The following ROBO2 variants were observed in gnomAD, a reference collection of about 807,000 sequenced individuals.
The protein encoded by ROBO2 is roundabout homolog 2.
A neutral mutation model predicts 160.8 loss-of-function variants in ROBO2; 53 were observed. The observed-to-expected ratio is 0.33, with a 90% CI of 0.26 to 0.41. The LOEUF is 0.41. Among genes scored for constraint, ROBO2 ranks in the 10% least tolerant of loss-of-function variants. The pLI, the probability that ROBO2 is intolerant of heterozygous loss-of-function variation, is 1.00. For synonymous variants in ROBO2, 664 were observed against 611.7 expected, an observed-to-expected ratio of 1.09 and a Z score of -1.26; for missense variants, 1,577 against 1,722.4, an observed-to-expected ratio of 0.92 and a Z score of 1.49.
intron 6 of ROBO2, among the ~76,000 whole-genome samples, chr3:77,543,300 C>T (rs1411676868): frequency 6.6e-6 from 1 of 152,138 alleles, no homozygotes; most frequent in East Asian, 1.9e-4. Context: ...TAAGCCTCTG[C>T]CACAGGGCAA....
At chr3:77,022,859 G>A (rs776092318) in intron 2 of ROBO2, among the ~76,000 whole-genome samples, 15 of 152,076 alleles carry the variant, frequency 9.9e-5, no homozygotes, top group South Asian at 2.1e-4. Context: ...GAATATTCAC[G>A]TTGTTGTGCG....
rs1459271723 is a variant in ROBO2, at chr3:76,723,007, G to C, written c.110-375007G>C. ...ATATGGAAAATAAAACTATAGATAT[G>C]TTTTGTCAGAAAATAACACTGCTTC... On this transcript the variant is annotated intron_variant, in intron 2 of 26. Coordinates refer to the ROBO2 transcript ENST00000487694. Among the ~76,000 whole-genome samples, 3 of 151,944 alleles carry C rather than the reference G, an allele frequency of 2.0e-5. No individual in the cohort carries two copies. The East Asian group carries it at 5.8e-4, about 29-fold the overall frequency.
chr3:76,642,883 C>CT (rs1242322301), intron 2 of ROBO2, among the ~76,000 whole-genome samples: 1 of 152,016 alleles, frequency 6.6e-6, no homozygotes, highest in African/African-American at 2.4e-5. Context: ...GTCCATAAGA[C>CT]TTTTATGCTT....
At chr3:77,325,391 G>C (rs994244927) in intron 2 of ROBO2, among the ~76,000 whole-genome samples, 8 of 152,168 alleles carry the variant, frequency 5.3e-5, no homozygotes, top group Non-Finnish European at 1.2e-4. Flanking sequence ...AGTTATACCA[G>C]AGCAGACGCA....
chr3:77,394,734 T>G (rs1423422430), intron 2 of ROBO2, among the ~76,000 whole-genome samples: 1 of 151,068 alleles, frequency 6.6e-6, no homozygotes, highest in Non-Finnish European at 1.5e-5. Context: ...CCTGCATTGT[T>G]AATGCTGTAA....
At chr3:76,980,301 C>G (rs945127149) in intron 2 of ROBO2, among the ~76,000 whole-genome samples, 1 of 152,210 alleles carries the variant, frequency 6.6e-6, no homozygotes, top group Non-Finnish European at 1.5e-5. Flanking sequence ...AGCCACTACT[C>G]TAGCTACGCT....
intron 2 of ROBO2, among the ~76,000 whole-genome samples, chr3:76,857,176 G>C (rs2070208867): frequency 6.6e-6 from 1 of 151,922 alleles, no homozygotes; most frequent in South Asian, 2.1e-4. Context: ...TAGTAGAGAC[G>C]GGGTTTCACC....
chr3:77,634,767 C>T, intron 23 of ROBO2, 103 bp from the exon 25 acceptor site: 1 of 1,077,532 alleles, frequency 9.3e-7, no homozygotes, highest in Non-Finnish European at 1.4e-6. Context: ...CATATGTTAT[C>T]TCTAGGTAGA....
intron 2 of ROBO2, among the ~76,000 whole-genome samples, chr3:76,063,932 G>A (rs754614863): frequency 2.0e-5 from 3 of 152,132 alleles, no homozygotes; most frequent in Non-Finnish European, 4.4e-5. Flanking sequence ...GTTCCCTCTA[G>A]CTTTAGAGAA....
chr3:76,911,099 C>T (rs2075966241), intron 2 of ROBO2, among the ~76,000 whole-genome samples: 1 of 152,070 alleles, frequency 6.6e-6, no homozygotes, highest in Non-Finnish European at 1.5e-5. Context: ...AGTAACTAAG[C>T]AGGAACTTAT....
chr3:77,219,129 C>G (rs1197233866), intron 2 of ROBO2, among the ~76,000 whole-genome samples: 3 of 151,592 alleles, frequency 2.0e-5, no homozygotes, highest in Non-Finnish European at 2.9e-5. Flanking sequence ...CCAGCACGCC[C>G]CGCTAATTTT....
chr3:77,122,856 T>G (rs2074916731), intron 2 of ROBO2, among the ~76,000 whole-genome samples: 1 of 152,214 alleles, frequency 6.6e-6, no homozygotes, highest in African/African-American at 2.4e-5. Flanking sequence ...ATACACTGCC[T>G]CTTTTTCCTA....
chr3:77,250,111 G>A (rs6808109), intron 2 of ROBO2, among the ~76,000 whole-genome samples: 44,616 of 151,976 alleles, frequency 0.29, 7,246 homozygotes, highest in Non-Finnish European at 0.36. Flanking sequence ...CTCCTACCTA[G>A]ATTGCTTCAA....
At chr3:76,883,753 C>T (rs534229653) in intron 2 of ROBO2, among the ~76,000 whole-genome samples, 2 of 152,142 alleles carry the variant, frequency 1.3e-5, no homozygotes, top group Non-Finnish European at 2.9e-5. Context: ...CAATGGTTTC[C>T]TAAAACTGGT....
chr3:77,449,775 A>G (rs1192327717), intron 2 of ROBO2, among the ~76,000 whole-genome samples: 2 of 152,104 alleles, frequency 1.3e-5, no homozygotes, highest in Non-Finnish European at 2.9e-5. Context: ...TCAAGTGAAA[A>G]AAATAGTGTC....
At chr3:76,981,849 G>A (rs1369012318) in intron 2 of ROBO2, among the ~76,000 whole-genome samples, 3 of 152,060 alleles carry the variant, frequency 2.0e-5, no homozygotes, top group Non-Finnish European at 4.4e-5. Flanking sequence ...GAGAGAGAGC[G>A]AGAGAGTGGA....
At chr3:77,475,093 A>G (rs2083843397) in intron 2 of ROBO2, among the ~76,000 whole-genome samples, 1 of 150,266 alleles carries the variant, frequency 6.7e-6, no homozygotes, top group Non-Finnish European at 1.5e-5. Context: ...GAAGAAACAT[A>G]TTATAATATC....
intron 2 of ROBO2, among the ~76,000 whole-genome samples, chr3:76,963,836 C>CAAAAAAAAAAA (rs11407644): frequency 1.9e-5 from 2 of 106,118 alleles, no homozygotes; most frequent in Admixed American, 1.1e-4. Context: ...TGAGGAACTG[C>CAAAAAAAAAAA]AAAAAAAAAA....
intron 2 of ROBO2, among the ~76,000 whole-genome samples, chr3:77,135,032 G>A (rs1207113548): frequency 6.6e-6 from 1 of 152,184 alleles, no homozygotes; most frequent in Non-Finnish European, 1.5e-5. Flanking sequence ...GTCATTAACT[G>A]CAGTTGGTAT....
Sources: gnomAD v4.1 joint callset for allele counts (sites outside exome capture counted in the v4.1 genomes callset) on GRCh38, gnomAD v4.1.1 for gene constraint, MANE v1.5 for transcripts, NCBI Gene and HGNC (gene_info 2026-07-23, HGNC 2026-07-21) for gene names.